Variants in FANCA observed in about 807,000 individuals in gnomAD.
FANCA encodes the protein FA complementation group A.
Under a neutral mutation model 194.3 loss-of-function variants are expected in FANCA, and 236 were observed. The observed-to-expected ratio is 1.21, with a 90% CI of 1.09 to 1.35. The LOEUF is 1.35. FANCA is among the 40% of genes most tolerant of loss of function. The probability of loss-of-function intolerance (pLI) is 0.00; values close to 1 mark genes in which losing one functional copy is unlikely to be tolerated. For synonymous variants in FANCA, 1,014 were observed against 715.8 expected, an observed-to-expected ratio of 1.42 and a Z score of -6.65; for missense variants, 2,628 against 1,813.9, an observed-to-expected ratio of 1.45 and a Z score of -8.15.
intron 10 of FANCA, among the ~76,000 whole-genome samples, chr16:89,796,507 G>C (rs945217208): frequency 3.3e-5 from 5 of 152,192 alleles, no homozygotes; most frequent in Non-Finnish European, 7.3e-5. Context: ...GATGAGGAAG[G>C]AATGGAAGGG....
chr16:89,743,028 T>A lies in FANCA; in HGVS notation c.3627-90A>T. 3 of 1,473,702 alleles carry A rather than the reference T, an allele frequency of 2.0e-6. No homozygotes were observed. In the African/African-American group the frequency reaches 4.2e-5, roughly 21 times the overall value. The allele number at this position is 1,473,702 out of a possible 1,614,324, so 91.3% of individuals were successfully genotyped here. On this transcript the variant is annotated intron_variant, in intron 36 of 42. Transcript: ENST00000389301. ...AGTCCTTATTCCCACCTGTCACCTT[T>A]GGGGCCTGCCTTTCCATCAGAGGAC...
intron 15 of FANCA, among the ~76,000 whole-genome samples, chr16:89,784,320 A>G (rs1375902060): frequency 2.0e-5 from 3 of 147,354 alleles, no homozygotes; most frequent in Admixed American, 1.4e-4. Flanking sequence ...ACAGTGAGCT[A>G]TGATGGCAAC....
chr16:89,810,089 G>A (rs567197165), intron 5 of FANCA, among the ~76,000 whole-genome samples: 5 of 151,936 alleles, frequency 3.3e-5, no homozygotes, highest in Admixed American at 1.3e-4. Context: ...TTGGGAGGCC[G>A]AGGTGGGCAG....
At chr16:89,756,628 TATAA>T (rs1306208419) in intron 30 of FANCA, among the ~76,000 whole-genome samples, 21 of 152,034 alleles carry the variant, frequency 1.4e-4, no homozygotes, top group African/African-American at 4.8e-4. Context: ...TCAAAATAAA[TATAA>T]ATAAGACAAA....
At chr16:89,751,529 A>G (rs7192793) in intron 31 of FANCA, among the ~76,000 whole-genome samples, 148,803 of 152,268 alleles carry the variant, frequency 0.98, 72,708 homozygotes, top group East Asian at 1. Context: ...TCTCACTGAG[A>G]AGGAGCCAGG....
intron 10 of FANCA, among the ~76,000 whole-genome samples, chr16:89,796,603 G>C (rs1358167499): frequency 6.6e-6 from 1 of 152,214 alleles, no homozygotes; most frequent in African/African-American, 2.4e-5. Flanking sequence ...AAGAGCACTT[G>C]AGGTCTGTTA....
rs555269911 is a variant in FANCA, at chr16:89,775,000, A to G, written c.1900+742T>C. Among the ~76,000 whole-genome samples the G allele has an allele frequency of 4.6e-5, 7 of 152,036 alleles. No individual in the cohort carries two copies. The South Asian group carries it at 1.5e-3, about 32-fold the overall frequency. On this transcript the variant is annotated intron_variant, in intron 21 of 42. Transcript: ENST00000389301. ...TCCCAGCTATTACAGAGGCTGAGGCAGGAGAACTGCTTGAACCCAGGGGGC... is the reference window on the plus strand; with the variant it reads ...TCCCAGCTATTACAGAGGCTGAGGCGGGAGAACTGCTTGAACCCAGGGGGC...
In FANCA at chr16:89,764,992, G is replaced by C. The variant is rs756478412; in HGVS notation, c.2676C>G (p.Ser892=). The stretch of plus-strand genomic sequence containing the variant: ...CAGAAGGAAGGTGCAAGGGTCTCCA[G>C]GAAAGGCTGGCTACGTCCTCCTCAG... ...PLSEEDVASL[S]WRPLHLPSAD... The change falls in exon 28 of 43, where the codon TCC becomes TCG. Residue 892 remains serine (S), a synonymous_variant. Transcript: ENST00000389301. 11 of 1,614,146 alleles carry C rather than the reference G, an allele frequency of 6.8e-6. No homozygotes were observed. Among genetic ancestry groups the C allele is most frequent in the Non-Finnish European group, 9.3e-6 (11 of 1,180,056 alleles).
intron 6 of FANCA, among the ~76,000 whole-genome samples, chr16:89,807,452 C>G (rs1167022779): frequency 1.3e-5 from 2 of 150,150 alleles, no homozygotes; most frequent in African/African-American, 4.9e-5. Flanking sequence ...GTCTCTGTCT[C>G]AAAAAGAAAA....
intron 36 of FANCA, among the ~76,000 whole-genome samples, chr16:89,743,947 GACT>G (rs1267901080): frequency 6.6e-5 from 10 of 151,940 alleles, no homozygotes; most frequent in Non-Finnish European, 1.2e-4. Flanking sequence ...GCCCATGCTG[GACT>G]ACAATGGCAT....
Position 89,816,630 on chromosome 16 carries a change from C to T in FANCA, c.-15G>A, listed in dbSNP as rs1227879375. 3 of 1,518,548 alleles carry T rather than the reference C, an allele frequency of 2.0e-6. No individual in the cohort carries two copies. The highest frequency in any genetic ancestry group is 1.4e-5 in the African/African-American group (1 of 70,302). 94.1% of individuals were successfully genotyped at this position (1,518,548 alleles called of 1,614,324 possible). ...GAGTCGGACATGGCCTTGGCGCCTA[C>T]AGCCCCGGCGGCGGCTCCCTGCGCC... On this transcript the variant is annotated 5_prime_UTR_variant, in exon 1 of 43. Transcript: ENST00000389301.
chr16:89,778,656 AAGT>A (rs1331290984), intron 20 of FANCA, 142 bp downstream of exon 20: 4 of 647,124 alleles, frequency 6.2e-6, no homozygotes, highest in Non-Finnish European at 1.0e-5. Flanking sequence ...AAAAAAAAAA[AAGT>A]AACCAACCAA....
Position 89,759,680 on chromosome 16 carries a change from G to A in FANCA, c.2853-975C>T, listed in dbSNP as rs751950719. Among the ~76,000 whole-genome samples the A allele has an allele frequency of 8.3e-4, 126 of 152,178 alleles. 1 individual carries two copies. Among genetic ancestry groups the A allele is most frequent in the African/African-American group, 2.9e-3 (120 of 41,440 alleles). On this transcript the variant is annotated intron_variant, in intron 29 of 42. Coordinates refer to ENST00000389301, the MANE Select transcript of FANCA (RefSeq NM_000135.4). ...GGAGGCTGAGGCAGGAGGATCACTC[G>A]AGCTCTGGAGAGGGAAGCTGCCGTG...
At chr16:89,759,318 T>TATAAAAAAAAAAAAAAAAAAAAAAAA in intron 29 of FANCA, among the ~76,000 whole-genome samples, 1 of 75,206 alleles carries the variant, frequency 1.3e-5, no homozygotes, top group East Asian at 3.3e-4. Context: ...AGACTCCGTC[T>TATAAAAAAAAAAAAAAAAAAAAAAAA]AAAAAAAAAA....
intron 5 of FANCA, among the ~76,000 whole-genome samples, chr16:89,810,192 A>G (rs1598188723): frequency 6.7e-6 from 1 of 150,342 alleles, no homozygotes; most frequent in East Asian, 2.0e-4. Context: ...GCGTGGTGGC[A>G]GTCACCTGTA....
At chr16:89,799,054 G>T (rs761214451) in intron 10 of FANCA, 112 bp downstream of exon 10, 6 of 1,614,118 alleles carry the variant, frequency 3.7e-6, no homozygotes, top group Admixed American at 1.7e-5. Context: ...CAGAGGAAGT[G>T]TGCTCAGGAG....
chr16:89,808,247 G>A (rs770393739), intron 6 of FANCA, 47 bp downstream of exon 6: 1 of 1,559,664 alleles, frequency 6.4e-7, no homozygotes. Flanking sequence ...ATTTATACTA[G>A]ACTAGACTGC....
In FANCA at chr16:89,796,011, C is replaced by G. The variant is rs201134867; in HGVS notation, c.901G>C (p.Val301Leu). The change falls in exon 11 of 43, where the codon GTG (valine) becomes CTG (leucine). Residue 301 changes from valine (V) to leucine (L), a missense_variant. Val to Leu is a conservative substitution (Grantham distance 32). Transcript: ENST00000389301. The part of the protein sequence containing the change: ...THKIVRCWFG[V>L]FSGHTLGSVI... ...CTGCCAAGCGTGTGTCCACTGAACACTCCGAACCTGCCAATGCAGCAGAAA... is the reference window on the plus strand; with the variant it reads ...CTGCCAAGCGTGTGTCCACTGAACAGTCCGAACCTGCCAATGCAGCAGAAA... 12 of 1,613,874 alleles carry G rather than the reference C, an allele frequency of 7.4e-6. No homozygotes were observed. The African/African-American group carries it at 1.6e-4, about 22-fold the overall frequency.
Position 89,789,436 on chromosome 16 carries a change from CTTT to C in FANCA, c.1359+1964_1359+1966del, listed in dbSNP as rs532159256. On this transcript the variant is annotated intron_variant, in intron 14 of 42. Transcript: ENST00000389301. ...GTGGTGATGGCAGGAAAACTCAATA[CTTT>C]TTTTTTTTTTTTTTTTTTTGAGACA... 1.0e-3 allele frequency among the ~76,000 whole-genome samples: 105 copies of C among 102,516 alleles called. 1 individual carries two copies. Among genetic ancestry groups the C allele is most frequent in the African/African-American group, 2.1e-3 (49 of 22,806 alleles). 67.3% of individuals were successfully genotyped at this position (102,516 alleles called of 152,430 possible).
Sources: gnomAD v4.1 joint callset for allele counts (sites outside exome capture counted in the v4.1 genomes callset) on GRCh38, gnomAD v4.1.1 for gene constraint, MANE v1.5 for transcripts, NCBI Gene and HGNC (gene_info 2026-07-23, HGNC 2026-07-21) for gene names.